TUBA3D: variants seen among roughly 807,000 people sequenced by gnomAD.
TUBA3D encodes the protein tubulin alpha-3D chain.
TUBA3D carries 24 observed loss-of-function variants against 36.1 expected under a neutral mutation model. The ratio of observed to expected loss-of-function variants is 0.66; its 90% CI spans 0.48 to 0.93. The LOEUF (loss-of-function observed/expected upper bound fraction) is 0.93, where lower values mean the gene tolerates loss of function less well. TUBA3D is among the 40% of genes least tolerant of loss of function. The pLI is 0.00. For synonymous variants in TUBA3D, 185 were observed against 247.2 expected, an observed-to-expected ratio of 0.75 and a Z score of 2.36; for missense variants, 356 against 614.5, an observed-to-expected ratio of 0.58 and a Z score of 4.45.
At chr2:131,479,197 G>A in intron 2 of TUBA3D, 111 bp from the exon 3 acceptor site, 1 of 1,490,548 alleles carries the variant, frequency 6.7e-7, no homozygotes. Context: ...TGACATGTAG[G>A]TCATGTACTT....
Position 131,480,310 on chromosome 2 carries a change from A to G in TUBA3D, c.617A>G (p.Asn206Ser). 2.5e-6 allele frequency: 4 copies of G among 1,613,306 alleles called. No individual in the cohort carries two copies. Among genetic ancestry groups the G allele is most frequent in the East Asian group, 2.2e-5 (1 of 44,880 alleles). ...TCTGACTGTGCCTTCATGGTCGACA[A>G]TGAAGCCATCTATGACATATGTCGG... ...EHSDCAFMVD[N>S]EAIYDICRRN... The change falls in exon 4 of 5, where the codon AAT (asparagine) becomes AGT (serine). Residue 206 changes from asparagine to serine, a missense_variant. By Grantham distance (46) the Asn-to-Ser change is conservative (BLOSUM62 1). Coordinates refer to ENST00000321253, the MANE Select transcript of TUBA3D (RefSeq NM_080386.4).
intron 2 of TUBA3D, 52 bp from the exon 3 acceptor site, chr2:131,479,256 C>T (rs1185263303): frequency 1.9e-6 from 3 of 1,591,030 alleles, no homozygotes; most frequent in Admixed American, 1.7e-5. Flanking sequence ...ATGTGTCCAT[C>T]TTGGTGAGTA....
In TUBA3D at chr2:131,479,411, C is replaced by T. The variant is rs371196857; in HGVS notation, c.330C>T (p.Ile110=). ...ANNYARGHYT[I]GKEIVDLVLD... is the part of the protein sequence containing the mutation. ...ATTACGCCAGGGGCCATTACACCAT[C>T]GGCAAGGAGATTGTTGACCTAGTCC... The change falls in exon 3 of 5, where the codon ATC becomes ATT. Residue 110 remains isoleucine (I), a synonymous_variant. Transcript: ENST00000321253. 257 of 1,614,038 alleles carry T rather than the reference C, an allele frequency of 1.6e-4. No homozygotes were observed. Among genetic ancestry groups the T allele is most frequent in the Non-Finnish European group, 2.0e-4 (235 of 1,180,046 alleles).
chr2:131,480,848 C>T (rs545839386), intron 4 of TUBA3D, 99 bp downstream of exon 4: 9 of 1,501,472 alleles, frequency 6.0e-6, no homozygotes, highest in Non-Finnish European at 8.1e-6. Flanking sequence ...TATCCCTGTT[C>T]CATGGGCTAG....
intron 4 of TUBA3D, among the ~76,000 whole-genome samples, chr2:131,482,051 T>C (rs1007289580): frequency 2.6e-5 from 4 of 152,244 alleles, no homozygotes; most frequent in African/African-American, 9.6e-5. Flanking sequence ...CACTTCCTGC[T>C]GCTGTGGTAG....
chr2:131,479,263 A>G, intron 2 of TUBA3D, 45 bp from the exon 3 acceptor site: 1 of 1,595,902 alleles, frequency 6.3e-7, no homozygotes, highest in Non-Finnish European at 8.6e-7. Context: ...CATCTTGGTG[A>G]GTACAGGCCT....
intron 2 of TUBA3D, 55 bp from the exon 3 acceptor site, chr2:131,479,253 C>T: frequency 6.3e-7 from 1 of 1,585,518 alleles, no homozygotes; most frequent in Non-Finnish European, 8.6e-7. Context: ...GGAATGTGTC[C>T]ATCTTGGTGA....
In TUBA3D at chr2:131,478,194, G is replaced by T; in HGVS notation, c.34G>T (p.Ala12Ser). 1 of 1,613,856 alleles carries T rather than the reference G, an allele frequency of 6.2e-7. No homozygotes were observed. Among genetic ancestry groups the T allele is most frequent in the East Asian group, 2.2e-5 (1 of 44,896 alleles). Residue 12 changes from alanine to serine, a missense_variant, in exon 2 of 5, where the codon GCG becomes TCG. Transcript: ENST00000321253. ...GTGTATCTCTATCCACGTGGGGCAG[G>T]CGGGTGTCCAGATCGGCAATGCCTG... ...RECISIHVGQ[A>S]GVQIGNACWE...
At chr2:131,482,070 A>G (rs1241028623) in intron 4 of TUBA3D, among the ~76,000 whole-genome samples, 3 of 152,210 alleles carry the variant, frequency 2.0e-5, no homozygotes, top group Non-Finnish European at 4.4e-5. Flanking sequence ...AGCAGCATTC[A>G]TATGACCCTT....
Position 131,480,591 on chromosome 2 carries a change from A to G in TUBA3D, c.898A>G (p.Asn300Asp). 1 of 1,611,858 alleles carries G rather than the reference A, an allele frequency of 6.2e-7. No homozygotes were observed. The highest frequency in any genetic ancestry group is 8.5e-7 in the Non-Finnish European group (1 of 1,179,928). Residue 300 changes from asparagine (N) to aspartate (D), a missense_variant, in exon 4 of 5, where the codon AAT becomes GAT. Physicochemically the swap from Asn to Asp is conservative, Grantham distance 23. Transcript: ENST00000321253. ...EITNACFEPANQMVKCDPRHG... is the reference protein window; with the variant it reads ...EITNACFEPADQMVKCDPRHG... ...CACCAATGCCTGCTTCGAGCCAGCC[A>G]ATCAAATGGTCAAGTGTGACCCTCG... is the stretch of plus-strand genomic sequence containing the variant.
chr2:131,478,158 T>C lies in TUBA3D; in HGVS notation c.4-6T>C, dbSNP rs756404051. ...AATGGGTTCACTTTTATGTTCCTGT[T>C]CACAGCGCGAGTGTATCTCTATCCA... On this transcript the variant is annotated splice_region_variant and splice_polypyrimidine_tract_variant and intron_variant, in intron 1 of 4. Coordinates refer to ENST00000321253, the MANE Select transcript of TUBA3D (RefSeq NM_080386.4). 19 of 1,611,204 alleles carry C rather than the reference T, an allele frequency of 1.2e-5. No homozygotes were observed. Among genetic ancestry groups the C allele is most frequent in the Non-Finnish European group, 1.5e-5 (18 of 1,177,628 alleles).
intron 1 of TUBA3D, 65 bp downstream of exon 1, chr2:131,476,267 G>A (rs1678664142): frequency 6.2e-7 from 1 of 1,612,372 alleles, no homozygotes; most frequent in African/African-American, 1.3e-5. Context: ...CGGGTGGACA[G>A]AGGGACGTTG....
intron 1 of TUBA3D, among the ~76,000 whole-genome samples, chr2:131,477,631 GAAGGCCT>G (rs1678717418): frequency 6.6e-6 from 1 of 150,920 alleles, no homozygotes; most frequent in Non-Finnish European, 1.5e-5. Flanking sequence ...AGAGGGCGAG[GAAGGCCT>G]CTGATGCTGT....
At chr2:131,476,490 G>A (rs1262509732) in intron 1 of TUBA3D, among the ~76,000 whole-genome samples, 1 of 152,228 alleles carries the variant, frequency 6.6e-6, no homozygotes, top group Non-Finnish European at 1.5e-5. Flanking sequence ...GAAGACGGGA[G>A]GGCGCTGCTC....
rs1238198021 is a variant in TUBA3D, at chr2:131,479,294, T to C, written c.227-14T>C. 3 of 1,613,042 alleles carry C rather than the reference T, an allele frequency of 1.9e-6. No homozygotes were observed. In the African/African-American group the frequency reaches 4.0e-5, roughly 22 times the overall value. On this transcript the variant is annotated splice_polypyrimidine_tract_variant and intron_variant, in intron 2 of 4. Transcript: ENST00000321253. Reference sequence around the variant, plus strand: ...GGCCTTAAAAATTCACAGCACACACTGTCTCTTTTGCAGATGAAGTGCGCA... The same window carrying C: ...GGCCTTAAAAATTCACAGCACACACCGTCTCTTTTGCAGATGAAGTGCGCA...
Position 131,478,325 on chromosome 2 carries a change from G to A in TUBA3D, c.165G>A (p.Glu55=). ...GDDSFNTFFS[E]TGAGKHVPRA... is the part of the protein sequence containing the mutation. ...ACTCCTTCAACACGTTCTTCAGTGA[G>A]ACTGGAGCTGGCAAGCACGTGCCCA... Residue 55 remains glutamate (E), a synonymous_variant, in exon 2 of 5, where the codon GAG becomes GAA. Transcript: ENST00000321253. 2 of 1,614,002 alleles carry A rather than the reference G, an allele frequency of 1.2e-6. No homozygotes were observed. The highest frequency in any genetic ancestry group is 1.1e-5 in the South Asian group (1 of 91,074).
chr2:131,476,528 A>C (rs191300625), intron 1 of TUBA3D, among the ~76,000 whole-genome samples: 226 of 152,284 alleles, frequency 1.5e-3, no homozygotes, highest in Non-Finnish European at 2.4e-3. Context: ...GTGCTACTCG[A>C]AACAACTGAG....
rs1007887202 is a variant in TUBA3D at position 131,478,473 on chromosome 2, T to C, written c.226+87T>C. ...CCGTGTGGGCTCCTTTGAATCCTCCTGCTGAAAGGATGGGATAGACAGGCA... is the reference window on the plus strand; with the variant it reads ...CCGTGTGGGCTCCTTTGAATCCTCCCGCTGAAAGGATGGGATAGACAGGCA... On this transcript the variant is annotated intron_variant, in intron 2 of 4. Coordinates refer to ENST00000321253, the MANE Select transcript of TUBA3D (RefSeq NM_080386.4). 10 of 1,349,716 alleles carry C rather than the reference T, an allele frequency of 7.4e-6. No individual in the cohort carries two copies. The African/African-American group carries it at 1.5e-4, about 20-fold the overall frequency. The allele number at this position is 1,349,716 out of a possible 1,614,324, so 83.6% of individuals were successfully genotyped here. A position where few individuals can be genotyped will look rare whatever the true frequency, so the allele number is the denominator to read the frequency against.
intron 1 of TUBA3D, 81 bp from the exon 2 acceptor site, chr2:131,478,083 T>C: frequency 6.5e-7 from 1 of 1,539,262 alleles, no homozygotes; most frequent in Non-Finnish European, 8.8e-7. Flanking sequence ...TATATAAATA[T>C]TAAATTAGAA....
Sources: gnomAD v4.1 joint callset for allele counts (sites outside exome capture counted in the v4.1 genomes callset) on GRCh38, gnomAD v4.1.1 for gene constraint, MANE v1.5 for transcripts, NCBI Gene and HGNC (gene_info 2026-07-23, HGNC 2026-07-21) for gene names.